Variants in TMEM248 observed in about 807,000 individuals in gnomAD.
The protein encoded by TMEM248 is transmembrane protein 248, also known as UPF0458 protein C7orf42.
In TMEM248, 9 loss-of-function variants were observed where a neutral mutation model predicts 30.3. That is an observed-to-expected ratio of 0.30 (90% CI 0.18 to 0.52). The LOEUF (loss-of-function observed/expected upper bound fraction) is 0.52. TMEM248 is among the 20% of genes least tolerant of loss of function. TMEM248 has a pLI of 0.97. For missense variants in TMEM248, 338 were observed against 403.3 expected (o/e 0.84, Z 1.39); for synonymous variants, 184 against 154.4 (o/e 1.19, Z -1.42).
chr7:66,953,318 G>A lies in TMEM248; in HGVS notation c.873G>A (p.Lys291=), dbSNP rs760388244. 6.8e-6 allele frequency: 11 copies of A among 1,614,154 alleles called. No homozygotes were observed. Among genetic ancestry groups the A allele is most frequent in the Non-Finnish European group, 6.8e-6 (8 of 1,180,032 alleles). Residue 291 remains lysine, a synonymous_variant, in exon 6 of 7, where the codon AAG becomes AAA. Transcript: ENST00000341567. The part of the protein sequence containing the change: ...VITMFCYAVI[K]GRPSKLRQSN... ...CAATGTTTTGCTATGCTGTTATCAA[G>A]GGCAGACCTAGCAAATTGCGTCAGA... is the stretch of plus-strand genomic sequence containing the variant.
intron 1 of TMEM248, among the ~76,000 whole-genome samples, chr7:66,924,962 G>A (rs1192504938): frequency 6.6e-6 from 1 of 151,984 alleles, no homozygotes; most frequent in Non-Finnish European, 1.5e-5. Flanking sequence ...GCCCGCCTTG[G>A]CCTCTCAAAG....
At chr7:66,925,055 T>C (rs866776746) in intron 1 of TMEM248, among the ~76,000 whole-genome samples, 2 of 152,004 alleles carry the variant, frequency 1.3e-5, no homozygotes, top group African/African-American at 2.4e-5. Context: ...AGAGTTTTGC[T>C]CTGTTGTCCT....
Position 66,929,426 on chromosome 7 carries a change from A to ATTTTTTTTTTTTTTT in TMEM248, c.-19+7979_-19+7993dup, listed in dbSNP as rs35126436. Among the ~76,000 whole-genome samples the ATTTTTTTTTTTTTTT allele has an allele frequency of 3.2e-4, 31 of 97,676 alleles. 2 individuals are homozygous for ATTTTTTTTTTTTTTT. The highest frequency in any genetic ancestry group is 1.3e-3 in the South Asian group (3 of 2,328). 64.1% of individuals were successfully genotyped at this position (97,676 alleles called of 152,430 possible). On this transcript the variant is annotated intron_variant, in intron 1 of 6. Transcript: ENST00000341567. Reference sequence around the variant, plus strand: ...ACAATATCATGGAAATGAGAGACAAATTTTTTTTTTTTTTTTTTTTTTTTT... The same window carrying ATTTTTTTTTTTTTTT: ...ACAATATCATGGAAATGAGAGACAAATTTTTTTTTTTTTTTTTTTTTTTTTTTTTTTTTTTTTTTT...
chr7:66,945,787 C>T (rs1348140795), intron 3 of TMEM248, among the ~76,000 whole-genome samples: 4 of 151,954 alleles, frequency 2.6e-5, no homozygotes, highest in Non-Finnish European at 5.9e-5. Flanking sequence ...CCCATCACTA[C>T]TAAAATACAA....
chr7:66,943,764 TTAC>T (rs1299304909), intron 2 of TMEM248, among the ~76,000 whole-genome samples: 1 of 152,038 alleles, frequency 6.6e-6, no homozygotes, highest in Non-Finnish European at 1.5e-5. Flanking sequence ...AAGGGTAGAC[TTAC>T]TGGGCTGGGT....
At chr7:66,929,582 G>A (rs565273496) in intron 1 of TMEM248, among the ~76,000 whole-genome samples, 85 of 151,942 alleles carry the variant, frequency 5.6e-4, no homozygotes, top group South Asian at 1.7e-3. Context: ...CATTATAGGC[G>A]TGCACCGCCA....
intron 3 of TMEM248, among the ~76,000 whole-genome samples, chr7:66,946,644 A>G (rs1477899591): frequency 6.6e-6 from 1 of 152,216 alleles, no homozygotes; most frequent in Non-Finnish European, 1.5e-5. Context: ...GGAAGAGACA[A>G]AGATAAACGT....
In TMEM248 at chr7:66,955,834, G is replaced by T. The variant is rs928591007; in HGVS notation, c.*312G>T. On this transcript the variant is annotated 3_prime_UTR_variant, in exon 7 of 7. Transcript: ENST00000341567. ...AGGATTCCTGGATCTAGCTGGTCAC[G>T]ACGATGTTTTCACCAAGGTCACAGG... 2.8e-6 allele frequency: 1 copy of T among 353,442 alleles called. No homozygotes were observed. The allele number at this position is 353,442 out of a possible 1,614,324, so 21.9% of individuals were successfully genotyped here.
intron 3 of TMEM248, among the ~76,000 whole-genome samples, chr7:66,947,214 CAAA>C (rs565294304): frequency 1.7e-5 from 1 of 58,816 alleles, no homozygotes. Context: ...GACCCTGTCT[CAAA>C]AAAAAAAAAA....
At chr7:66,922,022 G>A (rs776008676) in intron 1 of TMEM248, 4 of 152,222 alleles carry the variant, frequency 2.6e-5, no homozygotes, top group Non-Finnish European at 5.9e-5. Context: ...CCTTGATGGG[G>A]ACCATCAGAA....
rs145575311 is a variant in TMEM248, at chr7:66,944,998, G to A, written c.182G>A (p.Arg61Gln). The A allele has an allele frequency of 3.7e-6, 6 of 1,613,988 alleles. No individual in the cohort carries two copies. Among genetic ancestry groups the A allele is most frequent in the African/African-American group, 1.3e-5 (1 of 74,922 alleles). Reference sequence around the variant, plus strand: ...AAGGATTGGAATACTTTTCTGCTACGGTTCAATGATTTGGACTTGTGTGTA... The same window carrying A: ...AAGGATTGGAATACTTTTCTGCTACAGTTCAATGATTTGGACTTGTGTGTA... ...MAEDWNTFLL[R>Q]FNDLDLCVSE... is the part of the protein sequence containing the mutation. The change falls in exon 3 of 7, where the codon CGG becomes CAG. Residue 61 changes from arginine to glutamine, a missense_variant. Arg to Gln is a conservative substitution (Grantham distance 43). Transcript: ENST00000341567.
chr7:66,945,198 G>A lies in TMEM248; in HGVS notation c.382G>A (p.Gly128Arg), dbSNP rs764973561. 2.4e-5 allele frequency: 39 copies of A among 1,614,084 alleles called. No individual in the cohort carries two copies. The highest frequency in any genetic ancestry group is 3.0e-5 in the Non-Finnish European group (35 of 1,180,050). ...CCTGGACCCACTGAAACCCTTCGGA[G>A]GGTATTCCCGCAACGTCACCCATCT... is the stretch of plus-strand genomic sequence containing the variant. Reference protein sequence around the residue: ...LTLDPLKPFGGYSRNVTHLYS... With the variant: ...LTLDPLKPFGRYSRNVTHLYS... The change falls in exon 3 of 7, where the codon GGG becomes AGG. Residue 128 changes from glycine to arginine, a missense_variant. Transcript: ENST00000341567.
intron 5 of TMEM248, among the ~76,000 whole-genome samples, chr7:66,952,797 G>A (rs1792302087): frequency 6.6e-6 from 1 of 152,232 alleles, no homozygotes; most frequent in Admixed American, 6.5e-5. Flanking sequence ...GGCCTTCCTG[G>A]TGGGGGCATA....
At chr7:66,952,669 T>C (rs1792297749) in intron 5 of TMEM248, among the ~76,000 whole-genome samples, 1 of 152,156 alleles carries the variant, frequency 6.6e-6, no homozygotes, top group African/African-American at 2.4e-5. Flanking sequence ...ATTGACTGCA[T>C]GTGGGAGGTC....
At chr7:66,927,810 G>A (rs1013268363) in intron 1 of TMEM248, among the ~76,000 whole-genome samples, 1 of 152,048 alleles carries the variant, frequency 6.6e-6, no homozygotes, top group African/African-American at 2.4e-5. Flanking sequence ...TCTACACTGT[G>A]AATTGTATCA....
At position 66,946,213 on chromosome 7, in the gene TMEM248, G is replaced by T. The variant is rs1460679568; in HGVS notation, c.445+952G>T. Among the ~76,000 whole-genome samples, 6 of 151,692 alleles carry T rather than the reference G, an allele frequency of 4.0e-5. No homozygotes were observed. The East Asian group carries it at 1.2e-3, about 29-fold the overall frequency. The stretch of plus-strand genomic sequence containing the variant: ...AGACGTGGAGGTTGCGGTGAGCCGA[G>T]ATTGCACCACTGCACTCCAGCCTGG... On this transcript the variant is annotated intron_variant, in intron 3 of 6. Coordinates refer to ENST00000341567, the MANE Select transcript of TMEM248 (RefSeq NM_017994.5).
At chr7:66,950,123 G>A (rs548055172) in intron 4 of TMEM248, among the ~76,000 whole-genome samples, 44 of 152,100 alleles carry the variant, frequency 2.9e-4, no homozygotes, top group Middle Eastern at 3.4e-3. Flanking sequence ...CTACTTGAGA[G>A]GCTGAGGCAG....
chr7:66,934,455 C>T (rs1791749278), intron 1 of TMEM248, among the ~76,000 whole-genome samples: 1 of 152,162 alleles, frequency 6.6e-6, no homozygotes. Context: ...CCCGCTTTGG[C>T]CTCCCAAAGT....
rs548780556 is a variant in TMEM248 at position 66,932,183 on chromosome 7, A to G, written c.-18-9665A>G. On this transcript the variant is annotated intron_variant, in intron 1 of 6. Transcript: ENST00000341567. ...GTAATCGTGGTTTTTGCCATTATGT[A>G]TTGGTGAAAACCGCGATTCCTTTTG... Among the ~76,000 whole-genome samples, 17 of 152,202 alleles carry G rather than the reference A, an allele frequency of 1.1e-4. No homozygotes were observed. In the South Asian group the frequency reaches 3.5e-3, roughly 32 times the overall value.
Sources: gnomAD v4.1 joint callset for allele counts (sites outside exome capture counted in the v4.1 genomes callset) on GRCh38, gnomAD v4.1.1 for gene constraint, MANE v1.5 for transcripts, NCBI Gene and HGNC (gene_info 2026-07-23, HGNC 2026-07-21) for gene names.